The following ERO1A variants were observed in gnomAD, a reference collection of about 807,000 sequenced individuals.
The protein encoded by ERO1A is endoplasmic reticulum oxidoreductase 1 alpha.
In ERO1A, 49 loss-of-function variants were observed where a neutral mutation model predicts 76.9. The ratio of observed to expected loss-of-function variants is 0.64; its 90% CI spans 0.51 to 0.81. The LOEUF (loss-of-function observed/expected upper bound fraction) is 0.81. Among genes scored for constraint, ERO1A ranks in the 30% least tolerant of loss-of-function variants. The pLI is 0.00. For synonymous variants in ERO1A, 174 were observed against 181.2 expected, an observed-to-expected ratio of 0.96 and a Z score of 0.32; for missense variants, 448 against 542.1, an observed-to-expected ratio of 0.83 and a Z score of 1.72.
intron 1 of ERO1A, among the ~76,000 whole-genome samples, chr14:52,692,157 T>C (rs900213846): frequency 6.6e-6 from 1 of 152,244 alleles, no homozygotes; most frequent in African/African-American, 2.4e-5. Flanking sequence ...ATAATTTCCC[T>C]AGGACTTGTT....
chr14:52,667,849 T>G (rs938410407), intron 6 of ERO1A, among the ~76,000 whole-genome samples: 1 of 151,962 alleles, frequency 6.6e-6, no homozygotes, highest in Non-Finnish European at 1.5e-5. Flanking sequence ...AAAAACGGTC[T>G]CAATGCAACC....
intron 11 of ERO1A, among the ~76,000 whole-genome samples, chr14:52,656,924 A>G (rs574972774): frequency 1.3e-5 from 2 of 152,092 alleles, no homozygotes; most frequent in African/African-American, 4.8e-5. Flanking sequence ...AATTAGCTGG[A>G]CATGGTGGCA....
At chr14:52,665,204 A>C (rs2040370247) in intron 7 of ERO1A, among the ~76,000 whole-genome samples, 1 of 149,788 alleles carries the variant, frequency 6.7e-6, no homozygotes, top group Non-Finnish European at 1.5e-5. Flanking sequence ...CAGGAGGCTG[A>C]GGCAGGAGAA....
At position 52,642,174 on chromosome 14, in the gene ERO1A, A is replaced by G. The variant is rs1162372601; in HGVS notation, c.*1396T>C. The G allele has an allele frequency of 1.3e-5, 2 of 152,172 alleles. No homozygotes were observed. The highest frequency in any genetic ancestry group is 2.9e-5 in the Non-Finnish European group (2 of 68,042). The allele number at this position is 152,172 out of a possible 1,614,324, so 9.4% of individuals were successfully genotyped here. On this transcript the variant is annotated 3_prime_UTR_variant, in exon 16 of 16. Coordinates refer to ENST00000395686, the MANE Select transcript of ERO1A (RefSeq NM_014584.3). ...CTTTATAAATGAAGAGCTTCCACTA[A>G]TGAAAACCTCCCAAAATTACAGTTC... is the stretch of plus-strand genomic sequence containing the variant.
chr14:52,673,904 TTACCACTTC>T lies in ERO1A; in HGVS notation c.358-2042_358-2034del, dbSNP rs553807388. 2.0e-3 allele frequency among the ~76,000 whole-genome samples: 312 copies of T among 152,276 alleles called. 1 individual carries two copies. The highest frequency in any genetic ancestry group is 7.2e-3 in the African/African-American group (298 of 41,550). Reference sequence around the variant, plus strand: ...AGGTGCATGCCACACACTCAGCTTATTACCACTTCTATCTTAACTGGTAAAATATCACAG... The same window carrying T: ...AGGTGCATGCCACACACTCAGCTTATTATCTTAACTGGTAAAATATCACAG... On this transcript the variant is annotated intron_variant, in intron 4 of 15. Transcript: ENST00000395686.
At chr14:52,646,062 A>T in intron 15 of ERO1A, 92 bp downstream of exon 15, 1 of 1,332,370 alleles carries the variant, frequency 7.5e-7, no homozygotes, top group Non-Finnish European at 1.0e-6. Context: ...ATAAAATAAA[A>T]AGGATATTCC....
intron 3 of ERO1A, 70 bp downstream of exon 3, chr14:52,682,255 A>G: frequency 3.1e-6 from 4 of 1,274,906 alleles, no homozygotes; most frequent in Non-Finnish European, 4.4e-6. Flanking sequence ...ATTCTTAAAT[A>G]AAACAAAACA....
chr14:52,661,490 G>A (rs1485337727), intron 8 of ERO1A, among the ~76,000 whole-genome samples, 186 bp from the exon 9 acceptor site: 1 of 152,176 alleles, frequency 6.6e-6, no homozygotes, highest in Non-Finnish European at 1.5e-5. Context: ...TATGAATTAT[G>A]CCTGATTTGA....
In ERO1A at chr14:52,640,964, G is replaced by C. The variant is rs8013756; in HGVS notation, c.*2606C>G. The C allele has an allele frequency of 6.6e-6, 1 of 151,784 alleles. No individual in the cohort carries two copies. Among genetic ancestry groups the C allele is most frequent in the African/African-American group, 2.4e-5 (1 of 41,262 alleles). 9.4% of individuals were successfully genotyped at this position (151,784 alleles called of 1,614,324 possible). ...ACTGCTGAATTAAAATTACCCAAGC[G>C]TGAGAAGTGGTGTTGTGATTAAGAG... On this transcript the variant is annotated 3_prime_UTR_variant, in exon 16 of 16. Coordinates refer to ENST00000395686, the MANE Select transcript of ERO1A (RefSeq NM_014584.3).
At chr14:52,665,163 G>A (rs2040368901) in intron 7 of ERO1A, among the ~76,000 whole-genome samples, 1 of 151,762 alleles carries the variant, frequency 6.6e-6, no homozygotes, top group African/African-American at 2.4e-5. Context: ...TGAGCCGGGT[G>A]TGGTGGCGTG....
At chr14:52,684,457 A>G (rs573303620) in intron 1 of ERO1A, among the ~76,000 whole-genome samples, 40 of 152,322 alleles carry the variant, frequency 2.6e-4, no homozygotes, top group African/African-American at 9.6e-4. Context: ...AAGCAGAGGT[A>G]GGAGATAGAG....
chr14:52,684,755 C>G (rs1410256701), intron 1 of ERO1A, among the ~76,000 whole-genome samples: 1 of 152,014 alleles, frequency 6.6e-6, no homozygotes, highest in Non-Finnish European at 1.5e-5. Flanking sequence ...TCCTAGGATA[C>G]AATGGTAATG....
At chr14:52,649,168 T>G (rs1221419189) in intron 13 of ERO1A, among the ~76,000 whole-genome samples, 1 of 152,194 alleles carries the variant, frequency 6.6e-6, no homozygotes, top group African/African-American at 2.4e-5. Flanking sequence ...AGCCAGTCAA[T>G]AGAATGATCA....
intron 7 of ERO1A, among the ~76,000 whole-genome samples, chr14:52,664,632 A>G (rs1030720927): frequency 3.3e-5 from 5 of 152,230 alleles, no homozygotes; most frequent in Non-Finnish European, 7.3e-5. Context: ...AAATGACTAC[A>G]AAAGTAATAC....
At position 52,646,266 on chromosome 14, in the gene ERO1A, G is replaced by C; in HGVS notation, c.1234C>G (p.Leu412Val). 1 of 1,613,224 alleles carries C rather than the reference G, an allele frequency of 6.2e-7. No individual in the cohort carries two copies. Among genetic ancestry groups the C allele is most frequent in the Non-Finnish European group, 8.5e-7 (1 of 1,179,782 alleles). Residue 412 changes from leucine (L) to valine (V), a missense_variant, in exon 15 of 16, where the codon CTG (leucine) becomes GTG (valine). This residue lies in a region of ERO1A where 302 missense variants were observed against 411.9 expected (regional missense o/e 0.73). Transcript: ENST00000395686. ...KLQTQGLGTA[L>V]KILFSEKLIA... The stretch of plus-strand genomic sequence containing the variant: ...AATTTCTCAGAAAATAAGATCTTCA[G>C]AGCAGTGCCCAAACCCTGAGTCTGT...
chr14:52,684,118 GAC>G (rs60355765), intron 1 of ERO1A, among the ~76,000 whole-genome samples: 1,617 of 134,600 alleles, frequency 0.012, 25 homozygotes, highest in African/African-American at 0.036. Context: ...CAGAGCTCAT[GAC>G]ACACACACAC....
At chr14:52,676,374 A>G (rs560297260) in intron 4 of ERO1A, among the ~76,000 whole-genome samples, 106 of 152,298 alleles carry the variant, frequency 7.0e-4, no homozygotes, top group African/African-American at 2.4e-3. Flanking sequence ...TTACCATGTA[A>G]TTTCACAGGT....
intron 1 of ERO1A, 41 bp from the exon 2 acceptor site, chr14:52,683,948 A>C (rs1438842086): frequency 4.0e-6 from 6 of 1,505,058 alleles, no homozygotes; most frequent in Admixed American, 2.1e-5. Context: ...AAATGTCCTA[A>C]ATGCAACAGG....
chr14:52,693,500 T>TTA (rs891102903), intron 1 of ERO1A, among the ~76,000 whole-genome samples: 3 of 151,902 alleles, frequency 2.0e-5, no homozygotes, highest in African/African-American at 4.8e-5. Flanking sequence ...TAAACTCCCT[T>TTA]TATATATATA....
Sources: gnomAD v4.1 joint callset for allele counts (sites outside exome capture counted in the v4.1 genomes callset) on GRCh38, gnomAD v4.1.1 for gene constraint, gnomAD v4.1.1 regional missense constraint, MANE v1.5 for transcripts, NCBI Gene and HGNC (gene_info 2026-07-23, HGNC 2026-07-21) for gene names.